Variants in RBFOX1 observed in about 807,000 individuals in gnomAD.
RBFOX1 encodes RNA binding fox-1 homolog 1, also known as RNA binding protein fox-1 homolog 1.
In RBFOX1, 8 loss-of-function variants were observed where a neutral mutation model predicts 57.7. The observed-to-expected ratio is 0.14, with a 90% CI of 0.08 to 0.25. RBFOX1 has a LOEUF of 0.25. Among genes scored for constraint, RBFOX1 ranks in the 10% least tolerant of loss-of-function variants. The probability of loss-of-function intolerance (pLI) is 1.00; values close to 1 mark genes in which losing one functional copy is unlikely to be tolerated. For synonymous variants in RBFOX1, 326 were observed against 222.4 expected (o/e 1.47, Z -4.15); for missense variants, 611 against 548.5 (o/e 1.11, Z -1.14).
intron 3 of RBFOX1, among the ~76,000 whole-genome samples, chr16:6,720,260 T>C (rs1319671492): frequency 1.3e-5 from 2 of 152,032 alleles, no homozygotes; most frequent in African/African-American, 4.8e-5. Flanking sequence ...AAAAAAAGTG[T>C]GTACTTCTTC....
intron 5 of RBFOX1, among the ~76,000 whole-genome samples, chr16:7,573,388 C>A (rs1051326484): frequency 2.0e-5 from 3 of 152,140 alleles, no homozygotes; most frequent in Non-Finnish European, 2.9e-5. Flanking sequence ...GGGGGTGTCC[C>A]TGGCCACTTT....
chr16:6,331,156 TG>T (rs2082973980), intron 2 of RBFOX1, among the ~76,000 whole-genome samples: 2 of 152,130 alleles, frequency 1.3e-5, no homozygotes, highest in Admixed American at 6.6e-5. Context: ...AGTGGGTTAT[TG>T]AAATAGTCTG....
intron 2 of RBFOX1, among the ~76,000 whole-genome samples, chr16:5,523,326 C>A (rs1418217513): frequency 6.6e-6 from 1 of 151,798 alleles, no homozygotes; most frequent in Non-Finnish European, 1.5e-5. Flanking sequence ...TTTGATGTAC[C>A]AATTTCCAGC....
At chr16:5,932,972 A>G (rs1241553815) in intron 4 of RBFOX1, among the ~76,000 whole-genome samples, 1 of 152,186 alleles carries the variant, frequency 6.6e-6, no homozygotes, top group African/African-American at 2.4e-5. Context: ...TTAAAAAGCG[A>G]CACAATATTT....
chr16:6,954,070 A>T (rs941465497), intron 3 of RBFOX1, among the ~76,000 whole-genome samples: 2 of 152,220 alleles, frequency 1.3e-5, no homozygotes, highest in Admixed American at 6.5e-5. Context: ...TTCTCTGTCA[A>T]CAAGGCGGTA....
intron 3 of RBFOX1, among the ~76,000 whole-genome samples, chr16:5,655,289 G>A (rs999863355): frequency 3.3e-5 from 5 of 152,156 alleles, no homozygotes; most frequent in Non-Finnish European, 5.9e-5. Context: ...TTTTTTGAGT[G>A]TGGACTTGAT....
rs147899696 is a variant in RBFOX1 at position 6,023,616 on chromosome 16, T to C, written c.-127+3624T>C. On this transcript the variant is annotated intron_variant, in intron 1 of 15. Transcript: ENST00000550418. The stretch of plus-strand genomic sequence containing the variant: ...GACGCAGCGATTTCCCAGTGGCGTG[T>C]AAGGAGACTATTGAAATCCTAGCAC... Among the ~76,000 whole-genome samples, 102 of 152,310 alleles carry C rather than the reference T, an allele frequency of 6.7e-4. 2 individuals are homozygous for C. The East Asian group carries it at 0.019, about 28-fold the overall frequency.
At chr16:7,660,972 G>T (rs776560447) in intron 12 of RBFOX1, among the ~76,000 whole-genome samples, 3 of 152,126 alleles carry the variant, frequency 2.0e-5, no homozygotes, top group African/African-American at 4.8e-5. Context: ...TGATCATATT[G>T]TCCATCTCAT....
intron 1 of RBFOX1, among the ~76,000 whole-genome samples, chr16:5,340,250 A>G (rs951202014): frequency 6.6e-6 from 1 of 152,202 alleles, no homozygotes; most frequent in Non-Finnish European, 1.5e-5. Context: ...TCCTCTGCCT[A>G]TTAAGACCAT....
intron 1 of RBFOX1, among the ~76,000 whole-genome samples, chr16:5,285,111 C>A (rs996368046): frequency 6.6e-6 from 1 of 152,180 alleles, no homozygotes; most frequent in Non-Finnish European, 1.5e-5. Context: ...TATTTGGCCA[C>A]ATATGTGTCC....
intron 3 of RBFOX1, among the ~76,000 whole-genome samples, chr16:6,791,894 G>A (rs2083034379): frequency 6.6e-6 from 1 of 152,152 alleles, no homozygotes; most frequent in Admixed American, 6.5e-5. Flanking sequence ...CTTTATATGT[G>A]TTAAGTTATC....
At chr16:5,807,570 C>G (rs2055272512) in intron 3 of RBFOX1, among the ~76,000 whole-genome samples, 1 of 152,198 alleles carries the variant, frequency 6.6e-6, no homozygotes, top group South Asian at 2.1e-4. Context: ...CTCGTTATAA[C>G]TTAATTGCAT....
intron 4 of RBFOX1, among the ~76,000 whole-genome samples, chr16:7,179,855 C>T (rs2082353948): frequency 1.3e-5 from 2 of 152,172 alleles, no homozygotes; most frequent in African/African-American, 2.4e-5. Flanking sequence ...CTGCCTCAGC[C>T]TCCTGAATAG....
chr16:6,193,398 A>AC (rs1222496783), intron 1 of RBFOX1, among the ~76,000 whole-genome samples: 1 of 62,858 alleles, frequency 1.6e-5, no homozygotes, highest in Non-Finnish European at 3.0e-5. Context: ...TATACTATAT[A>AC]TATATATATA....
At chr16:7,425,742 C>A (rs769426613) in intron 4 of RBFOX1, among the ~76,000 whole-genome samples, 1 of 152,180 alleles carries the variant, frequency 6.6e-6, no homozygotes, top group African/African-American at 2.4e-5. Context: ...ACCCCTCCTC[C>A]CTCTTTTAAC....
At chr16:7,464,160 C>T (rs908023717) in intron 4 of RBFOX1, among the ~76,000 whole-genome samples, 1 of 152,284 alleles carries the variant, frequency 6.6e-6, no homozygotes, top group Middle Eastern at 3.4e-3. Flanking sequence ...GATAGGGTTA[C>T]ATTATTCACC....
chr16:6,055,678 C>T (rs537386449), intron 1 of RBFOX1, among the ~76,000 whole-genome samples: 15 of 147,978 alleles, frequency 1.0e-4, no homozygotes, highest in Non-Finnish European at 1.6e-4. Context: ...AGAAGCGAGA[C>T]AAAAAAAAGT....
At chr16:7,403,669 C>G (rs1568661763) in intron 4 of RBFOX1, among the ~76,000 whole-genome samples, 1 of 151,400 alleles carries the variant, frequency 6.6e-6, no homozygotes, top group Non-Finnish European at 1.5e-5. Context: ...GCCTCAGCCT[C>G]CTGAATAGCT....
At chr16:5,637,264 A>G (rs1167423159) in intron 3 of RBFOX1, among the ~76,000 whole-genome samples, 2 of 152,180 alleles carry the variant, frequency 1.3e-5, no homozygotes, top group East Asian at 1.9e-4. Context: ...GGGCCATCGT[A>G]CAAGGTGGGA....
Sources: gnomAD v4.1 joint callset for allele counts (sites outside exome capture counted in the v4.1 genomes callset) on GRCh38, gnomAD v4.1.1 for gene constraint, MANE v1.5 for transcripts, NCBI Gene and HGNC (gene_info 2026-07-23, HGNC 2026-07-21) for gene names.